GPC6: variants seen among roughly 807,000 people sequenced by gnomAD.
GPC6 encodes glypican-6.
A neutral mutation model predicts 55.2 loss-of-function variants in GPC6; 14 were observed. The observed-to-expected ratio is 0.25, with a 90% CI of 0.17 to 0.40. The LOEUF is 0.40. GPC6 is among the 10% of genes least tolerant of loss of function. The probability of loss-of-function intolerance (pLI) is 1.00; values close to 1 mark genes in which losing one functional copy is unlikely to be tolerated. For missense variants in GPC6, 641 were observed against 708.5 expected, an observed-to-expected ratio of 0.90 and a Z score of 1.08; for synonymous variants, 278 against 259.6, an observed-to-expected ratio of 1.07 and a Z score of -0.68.
At position 94,403,413 on chromosome 13, in the gene GPC6, C is replaced by T. The variant is rs772073165; in HGVS notation, c.*196C>T. On this transcript the variant is annotated 3_prime_UTR_variant, in exon 9 of 9. Transcript: ENST00000377047. ...TGCCAGACTGAACTGCTTCCTCTTT[C>T]CTTCAGCTATCTGTGGGGACCTTGT... 10 of 635,144 alleles carry T rather than the reference C, an allele frequency of 1.6e-5. No individual in the cohort carries two copies. The highest frequency in any genetic ancestry group is 2.6e-5 in the Non-Finnish European group (9 of 349,316). 39.3% of individuals were successfully genotyped at this position (635,144 alleles called of 1,614,324 possible).
At chr13:93,986,310 C>G (rs188206134) in intron 3 of GPC6, among the ~76,000 whole-genome samples, 73 of 152,244 alleles carry the variant, frequency 4.8e-4, no homozygotes, top group Non-Finnish European at 8.2e-4. Flanking sequence ...ACATTCAACT[C>G]TGTGATCTTA....
At chr13:94,376,839 T>G (rs1324271596) in intron 6 of GPC6, among the ~76,000 whole-genome samples, 1 of 151,150 alleles carries the variant, frequency 6.6e-6, no homozygotes, top group African/African-American at 2.4e-5. Context: ...ATGGTACTGG[T>G]ACCAAAACAG....
At chr13:93,294,824 G>A (rs938280488) in intron 1 of GPC6, among the ~76,000 whole-genome samples, 14 of 151,912 alleles carry the variant, frequency 9.2e-5, no homozygotes, top group Non-Finnish European at 2.1e-4. Flanking sequence ...TCAGCCTCAC[G>A]TATCCAACTA....
At chr13:93,541,215 C>T (rs1439929401) in intron 1 of GPC6, among the ~76,000 whole-genome samples, 1 of 139,378 alleles carries the variant, frequency 7.2e-6, no homozygotes, top group African/African-American at 2.7e-5. Context: ...GTGATGTTCC[C>T]CTTCCTGTGT....
chr13:93,383,976 G>T (rs1480592886), intron 1 of GPC6, among the ~76,000 whole-genome samples: 1 of 151,892 alleles, frequency 6.6e-6, no homozygotes, highest in Non-Finnish European at 1.5e-5. Flanking sequence ...AATGAATGCT[G>T]GCAAATGCTA....
chr13:93,598,419 G>A (rs1319052939), intron 2 of GPC6, among the ~76,000 whole-genome samples: 1 of 152,166 alleles, frequency 6.6e-6, no homozygotes, highest in Non-Finnish European at 1.5e-5. Context: ...GGACTCAGGT[G>A]AATTAGTACA....
intron 1 of GPC6, among the ~76,000 whole-genome samples, chr13:93,315,197 CTT>C (rs1879206877): frequency 6.6e-6 from 1 of 151,778 alleles, no homozygotes; most frequent in Non-Finnish European, 1.5e-5. Flanking sequence ...AAAACATTAA[CTT>C]AAGTTTTTGT....
chr13:94,250,808 A>C (rs1594098163), intron 4 of GPC6, among the ~76,000 whole-genome samples: 2 of 152,160 alleles, frequency 1.3e-5, no homozygotes, highest in South Asian at 2.1e-4. Flanking sequence ...GTGAAGGTAC[A>C]TGACAATTCA....
intron 2 of GPC6, among the ~76,000 whole-genome samples, chr13:93,772,995 C>T (rs1885351375): frequency 6.6e-6 from 1 of 152,066 alleles, no homozygotes. Flanking sequence ...CTACCATGTT[C>T]CCGGTGGGAC....
chr13:94,313,314 G>A (rs979061076), intron 6 of GPC6, among the ~76,000 whole-genome samples: 1 of 152,132 alleles, frequency 6.6e-6, no homozygotes, highest in Non-Finnish European at 1.5e-5. Flanking sequence ...AAGGATGCAC[G>A]AATCTAATTC....
chr13:93,545,456 G>A (rs1456812162), intron 2 of GPC6, 35 bp downstream of exon 2: 8 of 1,566,654 alleles, frequency 5.1e-6, no homozygotes, highest in Non-Finnish European at 6.2e-6. Flanking sequence ...GTTTGTTATA[G>A]GTGCACTTTT....
intron 1 of GPC6, among the ~76,000 whole-genome samples, chr13:93,517,598 A>G (rs2139394481): frequency 6.6e-6 from 1 of 152,098 alleles, no homozygotes; most frequent in South Asian, 2.1e-4. Context: ...TAATTTGGAG[A>G]GAAATTAACT....
At chr13:93,906,897 A>G (rs1268987751) in intron 3 of GPC6, among the ~76,000 whole-genome samples, 3 of 152,196 alleles carry the variant, frequency 2.0e-5, no homozygotes, top group Non-Finnish European at 4.4e-5. Context: ...GTTAACTAGT[A>G]GATACATATA....
At chr13:93,855,577 T>G (rs886677471) in intron 3 of GPC6, among the ~76,000 whole-genome samples, 1 of 151,622 alleles carries the variant, frequency 6.6e-6, no homozygotes, top group Non-Finnish European at 1.5e-5. Flanking sequence ...ATTTATAGTT[T>G]TGGGAGAAAC....
chr13:93,626,077 T>C (rs1174389800), intron 2 of GPC6, among the ~76,000 whole-genome samples: 1 of 152,122 alleles, frequency 6.6e-6, no homozygotes, highest in Non-Finnish European at 1.5e-5. Flanking sequence ...AGTTTGCTTA[T>C]GCACAATTTC....
intron 1 of GPC6, among the ~76,000 whole-genome samples, chr13:93,473,954 C>A (rs906588618): frequency 2.5e-4 from 38 of 152,088 alleles, no homozygotes; most frequent in Admixed American, 2.0e-4. Context: ...GGCAAAGAGA[C>A]CCACTGCTGC....
intron 2 of GPC6, among the ~76,000 whole-genome samples, chr13:93,740,009 T>TA (rs1884146288): frequency 6.6e-6 from 1 of 152,148 alleles, no homozygotes; most frequent in Non-Finnish European, 1.5e-5. Flanking sequence ...GAATTGGAAT[T>TA]AAAAACCTAA....
At chr13:94,012,085 A>G (rs984179412) in intron 3 of GPC6, among the ~76,000 whole-genome samples, 3 of 152,146 alleles carry the variant, frequency 2.0e-5, no homozygotes, top group African/African-American at 7.2e-5. Context: ...TGAAGGGTAG[A>G]GACACCACTG....
intron 3 of GPC6, among the ~76,000 whole-genome samples, chr13:93,861,503 G>A (rs1888813117): frequency 6.6e-6 from 1 of 151,488 alleles, no homozygotes; most frequent in African/African-American, 2.4e-5. Flanking sequence ...GCCACTGAAT[G>A]TAGATAGGAC....
Sources: allele counts gnomAD v4.1 joint callset (sites outside exome capture counted in the v4.1 genomes callset), GRCh38; gene constraint gnomAD v4.1.1; transcripts MANE v1.5; gene names NCBI Gene and HGNC (gene_info 2026-07-23, HGNC 2026-07-21).